Variants in FGFR3 observed in about 807,000 individuals in gnomAD.
The protein encoded by FGFR3 is fibroblast growth factor receptor 3.
FGFR3 carries 25 observed loss-of-function variants against 82.9 expected under a neutral mutation model. That is an observed-to-expected ratio of 0.30 (90% CI 0.22 to 0.42). The LOEUF (loss-of-function observed/expected upper bound fraction) is 0.42. Among genes scored for constraint, FGFR3 ranks in the 10% least tolerant of loss-of-function variants. The pLI is 1.00. For synonymous variants in FGFR3, 620 were observed against 516.0 expected, an observed-to-expected ratio of 1.20 and a Z score of -2.73; for missense variants, 1,026 against 1,161.0, an observed-to-expected ratio of 0.88 and a Z score of 1.69.
In FGFR3 at chr4:1,793,974, G is replaced by GTGGCCA; in HGVS notation, c.42_47dup (p.Ala15_Ile16insMetAla). The GTGGCCA allele has an allele frequency of 2.9e-6, 4 of 1,378,470 alleles. No homozygotes were observed. The highest frequency in any genetic ancestry group is 3.8e-6 in the Non-Finnish European group (4 of 1,053,182). 85.4% of individuals were successfully genotyped at this position (1,378,470 alleles called of 1,614,324 possible). A position where few individuals can be genotyped will look rare whatever the true frequency, so the allele number is the denominator to read the frequency against. ...CTGCGCCCTCGCGCTCTGCGTGGCCGTGGCCATCGTGGCCGGCGCCTCCTC... is the reference window on the plus strand; with the variant it reads ...CTGCGCCCTCGCGCTCTGCGTGGCCGTGGCCATGGCCATCGTGGCCGGCGCCTCCTC... On this transcript the variant is annotated inframe_insertion, in exon 2 of 18. Coordinates refer to ENST00000440486, the MANE Select transcript of FGFR3 (RefSeq NM_000142.5).
rs981397259 is a variant in FGFR3 at position 1,802,042 on chromosome 4, A to G, written c.930+17A>G. 6.2e-7 allele frequency: 1 copy of G among 1,606,244 alleles called. No homozygotes were observed. The highest frequency in any genetic ancestry group is 8.5e-7 in the Non-Finnish European group (1 of 1,176,590). On this transcript the variant is annotated intron_variant, in intron 7 of 17. Coordinates refer to ENST00000440486, the MANE Select transcript of FGFR3 (RefSeq NM_000142.5). The stretch of plus-strand genomic sequence containing the variant: ...GTGCTCAAGGTGGGCCACCGTGTGC[A>G]CGTGGGTGCCGCCGCTGGGGCTCCT...
intron 7 of FGFR3, chr4:1,802,847 C>G: frequency 6.6e-7 from 1 of 1,520,086 alleles, no homozygotes; most frequent in Non-Finnish European, 8.8e-7. Flanking sequence ...GGGTCTCCCA[C>G]ATCCTGCCTC....
chr4:1,803,953 A>G (rs537456509), intron 8 of FGFR3, 117 bp downstream of exon 8: 12 of 1,191,802 alleles, frequency 1.0e-5, no homozygotes, highest in Non-Finnish European at 1.4e-5. Flanking sequence ...CCGCTTCTTG[A>G]GCCCTCACTC....
rs200939930 is a variant in FGFR3, at chr4:1,806,180, C to T, written c.1959+7C>T. The T allele has an allele frequency of 1.2e-5, 19 of 1,612,758 alleles. No individual in the cohort carries two copies. In the East Asian group the frequency reaches 3.1e-4, roughly 26 times the overall value. On this transcript the variant is annotated splice_region_variant and intron_variant, in intron 14 of 17. Transcript: ENST00000440486. Reference sequence around the variant, plus strand: ...CTACAAGAAGACGACCAACGTGAGCCCGGCCCTGGGGTGCGGGGGTGGGGG... The same window carrying T: ...CTACAAGAAGACGACCAACGTGAGCTCGGCCCTGGGGTGCGGGGGTGGGGG...
intron 2 of FGFR3, among the ~76,000 whole-genome samples, chr4:1,796,399 C>T (rs924887734): frequency 3.3e-5 from 5 of 152,118 alleles, no homozygotes; most frequent in African/African-American, 1.2e-4. Flanking sequence ...TTTTGGGGGC[C>T]CCCTCCTCTT....
In FGFR3 at chr4:1,805,905, G is replaced by A. The variant is rs1721849875; in HGVS notation, c.1801G>A (p.Val601Met). The A allele has an allele frequency of 6.2e-7, 1 of 1,611,882 alleles. No individual in the cohort carries two copies. The highest frequency in any genetic ancestry group is 1.3e-5 in the African/African-American group (1 of 74,926). ...FKDLVSCAYQVARGMEYLASQ... is the reference protein window; with the variant it reads ...FKDLVSCAYQMARGMEYLASQ... ...GGACCTGGTGTCCTGTGCCTACCAG[G>A]TGGCCCGGGGCATGGAGTACTTGGC... The change falls in exon 13 of 18, where the codon GTG becomes ATG. Residue 601 changes from valine (V) to methionine (M), a missense_variant. Physicochemically the swap from Val to Met is conservative, Grantham distance 21. Around this residue, in one of 9 missense-constraint regions of FGFR3, gnomAD observed 164 missense variants for 167.5 expected, o/e 0.98. Coordinates refer to ENST00000440486, the MANE Select transcript of FGFR3 (RefSeq NM_000142.5).
rs1177075165 is a variant in FGFR3, at chr4:1,801,347, A to G, written c.446-20A>G. 10 of 1,547,710 alleles carry G rather than the reference A, an allele frequency of 6.5e-6. No homozygotes were observed. Among genetic ancestry groups the G allele is most frequent in the African/African-American group, 1.4e-5 (1 of 73,244 alleles). ...TGCTCCCACTCGGGTCATGGCCTTC[A>G]CACGCACCTCGGCCCGCAGGGGCCC... On this transcript the variant is annotated intron_variant, in intron 4 of 17. Transcript: ENST00000440486.
chr4:1,799,182 T>C lies in FGFR3; in HGVS notation c.110-72T>C, dbSNP rs1343007422. ...CTTCCTCACTCAGGGCCGCCGAGGCTTCCACTGCTGTGTCTGTAAACGGTG... is the reference window on the plus strand; with the variant it reads ...CTTCCTCACTCAGGGCCGCCGAGGCCTCCACTGCTGTGTCTGTAAACGGTG... On this transcript the variant is annotated intron_variant, in intron 2 of 17. Transcript: ENST00000440486. The C allele has an allele frequency of 1.9e-6, 3 of 1,606,622 alleles. No homozygotes were observed. The East Asian group carries it at 6.7e-5, about 36-fold the overall frequency.
At chr4:1,797,392 G>T (rs3135857) in intron 2 of FGFR3, among the ~76,000 whole-genome samples, 2 of 152,186 alleles carry the variant, frequency 1.3e-5, no homozygotes, top group African/African-American at 4.8e-5. Context: ...GCAGGCAGTG[G>T]GGGGGGCAGT....
At position 1,807,115 on chromosome 4, in the gene FGFR3, G is replaced by C. The variant is rs2108816876; in HGVS notation, c.2275-1G>C. ...GCGCTCACCCCGCCTCCCGCCAGCAGGAGTACCTGGACCTGTCGGCGCCTT... is the reference window on the plus strand; with the variant it reads ...GCGCTCACCCCGCCTCCCGCCAGCACGAGTACCTGGACCTGTCGGCGCCTT... On this transcript the variant is annotated splice_acceptor_variant, in intron 17 of 17. Transcript: ENST00000440486. LOFTEE classifies it high-confidence loss of function. The C allele has an allele frequency of 1.3e-6, 2 of 1,579,206 alleles. No individual in the cohort carries two copies. The highest frequency in any genetic ancestry group is 1.8e-5 in the Admixed American group (1 of 55,682).
At chr4:1,794,118 G>T (rs893515914) in intron 2 of FGFR3, 75 bp downstream of exon 2, 37 of 839,026 alleles carry the variant, frequency 4.4e-5, no homozygotes, top group Non-Finnish European at 5.9e-5. Flanking sequence ...AACCGGCCCC[G>T]GGTCGGAGGG....
chr4:1,794,438 T>C (rs1308552684), intron 2 of FGFR3, among the ~76,000 whole-genome samples: 1 of 152,140 alleles, frequency 6.6e-6, no homozygotes, highest in East Asian at 1.9e-4. Context: ...CGGGCCCCAG[T>C]TTGTGGCCAG....
chr4:1,801,610 C>T lies in FGFR3; in HGVS notation c.616-10C>T, dbSNP rs748675983. 4.4e-6 allele frequency: 7 copies of T among 1,605,878 alleles called. No individual in the cohort carries two copies. Among genetic ancestry groups the T allele is most frequent in the Non-Finnish European group, 5.1e-6 (6 of 1,177,302 alleles). On this transcript the variant is annotated splice_polypyrimidine_tract_variant and intron_variant, in intron 5 of 17. Coordinates refer to ENST00000440486, the MANE Select transcript of FGFR3 (RefSeq NM_000142.5). ...CCTCCGCTCACTCACCCGCCCGCGTCCCGGTGCAGCTGCGGCATCAGCAGT... is the reference window on the plus strand; with the variant it reads ...CCTCCGCTCACTCACCCGCCCGCGTTCCGGTGCAGCTGCGGCATCAGCAGT...
At chr4:1,795,931 C>A (rs577489984) in intron 2 of FGFR3, among the ~76,000 whole-genome samples, 117 of 152,300 alleles carry the variant, frequency 7.7e-4, no homozygotes, top group African/African-American at 2.6e-3. Context: ...CCTCCAGGTC[C>A]TTGTGTGAGC....
intron 13 of FGFR3, 31 bp from the exon 14 acceptor site, chr4:1,806,016 AGAGG>A (rs1721867076): frequency 6.2e-7 from 1 of 1,612,486 alleles, no homozygotes; most frequent in South Asian, 1.1e-5. Context: ...GGAGAGGTGG[AGAGG>A]CTTCAGCCCT....
Position 1,803,089 on chromosome 4 carries a change from C to T in FGFR3, c.931-603C>T, listed in dbSNP as rs773235687. The T allele has an allele frequency of 3.1e-5, 48 of 1,539,626 alleles. No individual in the cohort carries two copies. The Admixed American group carries it at 5.0e-4, about 16-fold the overall frequency. On this transcript the variant is annotated intron_variant, in intron 7 of 17. Coordinates refer to ENST00000440486, the MANE Select transcript of FGFR3 (RefSeq NM_000142.5). ...GGTAACGACTCTGTCCCATGCCGGCCGGCACAAGAGCTCCAGCTCCAAGGC... is the reference window on the plus strand; with the variant it reads ...GGTAACGACTCTGTCCCATGCCGGCTGGCACAAGAGCTCCAGCTCCAAGGC...
chr4:1,807,730 G>GTGTT lies in FGFR3; in HGVS notation c.*469_*472dup, dbSNP rs1388015134. 7 of 602,070 alleles carry GTGTT rather than the reference G, an allele frequency of 1.2e-5. No individual in the cohort carries two copies. The highest frequency in any genetic ancestry group is 2.2e-5 in the Non-Finnish European group (7 of 311,426). The allele number at this position is 602,070 out of a possible 1,614,324, so 37.3% of individuals were successfully genotyped here. A position where few individuals can be genotyped will look rare whatever the true frequency, so the allele number is the denominator to read the frequency against. On this transcript the variant is annotated 3_prime_UTR_variant, in exon 18 of 18. Transcript: ENST00000440486. ...ACATGTCCAGCACCTTGTGCCTGGG[G>GTGTT]TGTTAGTGGCACCGCCTCCCCACCT...
chr4:1,804,743 C>T (rs780227036), intron 9 of FGFR3, 81 bp from the exon 10 acceptor site: 15 of 1,526,972 alleles, frequency 9.8e-6, no homozygotes, highest in Non-Finnish European at 1.3e-5. Context: ...GCCCCCCCTT[C>T]TGGCCCAGCA....
chr4:1,806,551 C>T lies in FGFR3; in HGVS notation c.2036C>T (p.Ser679Phe), dbSNP rs1260819324. ...RVYTHQSDVWSFGVLLWEIFT... is the reference protein window; with the variant it reads ...RVYTHQSDVWFFGVLLWEIFT... ...GACCTCACCTTCCCCTGCAGCTGGTCCTTTGGGGTCCTGCTCTGGGAGATC... is the reference window on the plus strand; with the variant it reads ...GACCTCACCTTCCCCTGCAGCTGGTTCTTTGGGGTCCTGCTCTGGGAGATC... The change falls in exon 16 of 18, where the codon TCC becomes TTC. Residue 679 changes from serine to phenylalanine, a missense_variant. This residue lies in a region of FGFR3 where 45 missense variants were observed against 80.8 expected (regional missense o/e 0.56). Transcript: ENST00000440486. 6.2e-7 allele frequency: 1 copy of T among 1,612,904 alleles called. No homozygotes were observed. Among genetic ancestry groups the T allele is most frequent in the Admixed American group, 1.7e-5 (1 of 59,990 alleles).
Sources: gnomAD v4.1 joint callset for allele counts (sites outside exome capture counted in the v4.1 genomes callset) on GRCh38, gnomAD v4.1.1 for gene constraint, gnomAD v4.1.1 regional missense constraint, MANE v1.5 for transcripts, NCBI Gene and HGNC (gene_info 2026-07-23, HGNC 2026-07-21) for gene names.